Variants in SHISAL1 observed in about 807,000 individuals in gnomAD.
SHISAL1 encodes the protein protein shisa-like-1.
In SHISAL1, 9 loss-of-function variants were observed where a neutral mutation model predicts 22.6. That is an observed-to-expected ratio of 0.40 (90% CI 0.24 to 0.70). The LOEUF (loss-of-function observed/expected upper bound fraction) is 0.70. SHISAL1 is among the 30% of genes least tolerant of loss of function. The pLI, the probability that SHISAL1 is intolerant of heterozygous loss-of-function variation, is 0.39. For synonymous variants in SHISAL1, 119 were observed against 115.4 expected (o/e 1.03, Z -0.20); for missense variants, 246 against 270.6 (o/e 0.91, Z 0.64).
chr22:44,316,397 A>AG (rs967808762), upstream of SHISAL1, among the ~76,000 whole-genome samples: 2 of 116,016 alleles, frequency 1.7e-5, no homozygotes, highest in Admixed American at 1.1e-4. Flanking sequence ...CTGTTGGATC[A>AG]GAACCAGGGT....
At position 44,285,514 on chromosome 22, in the gene SHISAL1, C is replaced by T. The variant is rs202024925; in HGVS notation, c.513G>A (p.Pro171=). 14 of 1,613,760 alleles carry T rather than the reference C, an allele frequency of 8.7e-6. No individual in the cohort carries two copies. Among genetic ancestry groups the T allele is most frequent in the Admixed American group, 8.3e-5 (5 of 60,002 alleles). Reference sequence around the variant, plus strand: ...GCACGGCCTGTGGGGCTTGTGGCAGCGGGCCTGGGGGAGGCTGCGGCTGTG... The same window carrying T: ...GCACGGCCTGTGGGGCTTGTGGCAGTGGGCCTGGGGGAGGCTGCGGCTGTG... ...RAPQPQPPPG[P]LPQAPQAVHT... The change falls in exon 4 of 5, where the codon CCG becomes CCA. Residue 171 remains proline, a synonymous_variant. Transcript: ENST00000381176.
At chr22:44,314,135 G>A (rs528706984), upstream of SHISAL1, among the ~76,000 whole-genome samples, 60 of 149,972 alleles carry the variant, frequency 4.0e-4, no homozygotes, top group Admixed American at 1.1e-3. Context: ...GTCCTGGGTC[G>A]CCTGGCTGGG....
chr22:44,313,718 C>T (rs1036252132), upstream of SHISAL1, among the ~76,000 whole-genome samples: 3 of 152,224 alleles, frequency 2.0e-5, no homozygotes, highest in Admixed American at 2.0e-4. Context: ...GGCCTTCGTG[C>T]ATCGTGGTAC....
intron 4 of SHISAL1, among the ~76,000 whole-genome samples, chr22:44,255,190 A>AT (rs939514318): frequency 6.6e-6 from 1 of 151,786 alleles, no homozygotes; most frequent in Non-Finnish European, 1.5e-5. Flanking sequence ...ATATATATAT[A>AT]TTTTTTTTGA....
rs73430797 is a variant in SHISAL1, at chr22:44,284,543, T to G, written c.599+885A>C. Among the ~76,000 whole-genome samples, 35 of 152,232 alleles carry G rather than the reference T, an allele frequency of 2.3e-4. No individual in the cohort carries two copies. In the South Asian group the frequency reaches 6.2e-3, roughly 27 times the overall value. Reference sequence around the variant, plus strand: ...CCTGGGCTTGGTATCATGATGTCCCTGGATGACGTGCCCTGAGCCCTGTGT... The same window carrying G: ...CCTGGGCTTGGTATCATGATGTCCCGGGATGACGTGCCCTGAGCCCTGTGT... On this transcript the variant is annotated intron_variant, in intron 4 of 4. Coordinates refer to ENST00000381176, the MANE Select transcript of SHISAL1 (RefSeq NM_001099294.2).
chr22:44,298,582 C>A (rs2055403883), intron 2 of SHISAL1, among the ~76,000 whole-genome samples: 1 of 152,214 alleles, frequency 6.6e-6, no homozygotes. Flanking sequence ...AGTGCGTGGG[C>A]AGCTGGGGAG....
At chr22:44,328,106 T>C in the SHISAL1 span, among the ~76,000 whole-genome samples, 2 of 152,132 alleles carry the variant, frequency 1.3e-5, no homozygotes, top group Non-Finnish European at 2.9e-5. Context: ...AGCTTTCATC[T>C]AAGCATAAGG....
intron 3 of SHISAL1, among the ~76,000 whole-genome samples, chr22:44,293,870 A>AG (rs1459135555): frequency 6.6e-6 from 1 of 152,226 alleles, no homozygotes; most frequent in African/African-American, 2.4e-5. Flanking sequence ...TCCCCAGGGG[A>AG]AGGCCTTTAC....
intron 2 of SHISAL1, among the ~76,000 whole-genome samples, chr22:44,299,905 GACAGAGACAGAA>G (rs1228301973): frequency 6.6e-6 from 1 of 151,498 alleles, no homozygotes. Flanking sequence ...GAGAGACAGA[GACAGAGACAGAA>G]ACAGAGACAG....
At chr22:44,327,272 ACACACACACG>A in the SHISAL1 span, among the ~76,000 whole-genome samples, 3 of 132,762 alleles carry the variant, frequency 2.3e-5, no homozygotes, top group African/African-American at 8.4e-5. Context: ...ACACACACAC[ACACACACACG>A]TGCGCGTACA....
In SHISAL1 at chr22:44,305,609, C is replaced by T. The variant is rs752837361; in HGVS notation, c.-32-4632G>A. The stretch of plus-strand genomic sequence containing the variant: ...GGACTGGGTGGGAATCCCAGCCCTG[C>T]GGGACACCAGCCTTGGGCCCTCAGG... On this transcript the variant is annotated intron_variant, in intron 1 of 4. Coordinates refer to ENST00000381176, the MANE Select transcript of SHISAL1 (RefSeq NM_001099294.2). 2.6e-5 allele frequency among the ~76,000 whole-genome samples: 4 copies of T among 152,334 alleles called. No homozygotes were observed. The East Asian group carries it at 5.8e-4, about 22-fold the overall frequency.
At chr22:44,249,743 C>G in intron 4 of SHISAL1, 58 bp from the exon 5 acceptor site, 1 of 777,126 alleles carries the variant, frequency 1.3e-6, no homozygotes, top group South Asian at 1.3e-5. Flanking sequence ...GGGGACATTT[C>G]TCTCTGGCCT....
At chr22:44,251,431 ACTATAAAAGGATGGGC>A (rs2055046818) in intron 4 of SHISAL1, among the ~76,000 whole-genome samples, 1 of 152,230 alleles carries the variant, frequency 6.6e-6, no homozygotes, top group Admixed American at 6.5e-5. Flanking sequence ...AGAAAGGTTT[ACTATAAAAGGATGGGC>A]AGATGATTTT....
intron 4 of SHISAL1, among the ~76,000 whole-genome samples, chr22:44,261,324 C>T (rs1473626952): frequency 7.9e-5 from 12 of 151,902 alleles, no homozygotes; most frequent in Admixed American, 2.6e-4. Flanking sequence ...GGAATACCCT[C>T]CCCTATCTCC....
intron 4 of SHISAL1, among the ~76,000 whole-genome samples, 154 bp downstream of exon 4, chr22:44,285,274 A>G (rs1006369334): frequency 6.6e-6 from 1 of 152,354 alleles, no homozygotes; most frequent in East Asian, 1.9e-4. Context: ...TAGGCTACCC[A>G]TAACAGTTTG....
chr22:44,300,782 G>T, intron 2 of SHISAL1, 97 bp downstream of exon 2: 2 of 1,020,014 alleles, frequency 2.0e-6, no homozygotes, highest in Non-Finnish European at 3.0e-6. Flanking sequence ...GCAAGCCTCT[G>T]TGTGCCCCCA....
At chr22:44,294,646 C>T (rs1396807007) in intron 3 of SHISAL1, among the ~76,000 whole-genome samples, 1 of 152,010 alleles carries the variant, frequency 6.6e-6, no homozygotes, top group African/African-American at 2.4e-5. Context: ...ACGAAAACAG[C>T]AAGGTAGGGT....
At chr22:44,268,496 G>C (rs1482616806) in intron 4 of SHISAL1, among the ~76,000 whole-genome samples, 1 of 152,202 alleles carries the variant, frequency 6.6e-6, no homozygotes, top group East Asian at 1.9e-4. Context: ...GAGGGACACG[G>C]CCTGCCTGAG....
At chr22:44,288,178 G>C (rs191623862) in intron 3 of SHISAL1, among the ~76,000 whole-genome samples, 23 of 152,236 alleles carry the variant, frequency 1.5e-4, no homozygotes, top group Non-Finnish European at 8.8e-5. Flanking sequence ...CCTGCTTTAC[G>C]GATGGAAAAC....
Sources: gnomAD v4.1 joint callset for allele counts (sites outside exome capture counted in the v4.1 genomes callset) on GRCh38, gnomAD v4.1.1 for gene constraint, MANE v1.5 for transcripts, NCBI Gene and HGNC (gene_info 2026-07-23, HGNC 2026-07-21) for gene names.